Variants in SEMA3D observed in about 807,000 individuals in gnomAD.
The protein encoded by SEMA3D is semaphorin-3D.
A neutral mutation model predicts 100.1 loss-of-function variants in SEMA3D; 84 were observed. That is an observed-to-expected ratio of 0.84 (90% confidence interval 0.70 to 1.01). SEMA3D has a LOEUF of 1.01. Among genes scored for constraint, SEMA3D ranks in the 50% least tolerant of loss-of-function variants. SEMA3D has a pLI of 0.00. For missense variants in SEMA3D, 875 were observed against 934.1 expected, an observed-to-expected ratio of 0.94 and a Z score of 0.82; for synonymous variants, 312 against 320.7, an observed-to-expected ratio of 0.97 and a Z score of 0.29.
chr7:85,010,435 G>T (rs1231527946), intron 17 of SEMA3D, among the ~76,000 whole-genome samples: 1 of 151,800 alleles, frequency 6.6e-6, no homozygotes, highest in African/African-American at 2.4e-5. Context: ...GACAGAAGTG[G>T]TTCAAGTGTG....
intron 12 of SEMA3D, among the ~76,000 whole-genome samples, chr7:85,030,935 GCAA>G (rs1302190034): frequency 1.4e-5 from 2 of 146,854 alleles, no homozygotes; most frequent in African/African-American, 4.9e-5. Flanking sequence ...ACCTGGCAGG[GCAA>G]TAATGATTGA....
chr7:85,081,639 A>G, intron 4 of SEMA3D, 60 bp from the exon 5 acceptor site: 1 of 1,102,986 alleles, frequency 9.1e-7, no homozygotes, highest in Non-Finnish European at 1.4e-6. Flanking sequence ...AACACTCTGC[A>G]ATTCTGCTCA....
intron 2 of SEMA3D, chr7:85,140,073 T>G: frequency 2.4e-6 from 1 of 423,946 alleles, no homozygotes; most frequent in Non-Finnish European, 3.2e-6. Context: ...ATTAATTACA[T>G]TAATATATTA....
chr7:85,182,584 T>C (rs1791437205), intron 1 of SEMA3D, among the ~76,000 whole-genome samples: 1 of 152,264 alleles, frequency 6.6e-6, no homozygotes, highest in African/African-American at 2.4e-5. Context: ...AAGTAAAGAA[T>C]ACAAATGTTT....
At chr7:85,221,753 A>G in the SEMA3D span, among the ~76,000 whole-genome samples, 2 of 152,090 alleles carry the variant, frequency 1.3e-5, no homozygotes, top group Non-Finnish European at 2.9e-5. Flanking sequence ...AATAAACTTA[A>G]CAATCAATGC....
Position 85,062,019 on chromosome 7 carries a change from T to G in SEMA3D, c.718+3405A>C, listed in dbSNP as rs939556372. ...CATGTCCATATGTCCCAGTTTGTAGTGAGGCTGCAAAGAGCAGGGGACATG... is the reference window on the plus strand; with the variant it reads ...CATGTCCATATGTCCCAGTTTGTAGGGAGGCTGCAAAGAGCAGGGGACATG... On this transcript the variant is annotated intron_variant, in intron 8 of 18. Transcript: ENST00000284136. Among the ~76,000 whole-genome samples, 15 of 152,224 alleles carry G rather than the reference T, an allele frequency of 9.9e-5. 2 individuals carry two copies. In the South Asian group the frequency reaches 2.3e-3, roughly 23 times the overall value.
chr7:85,017,115 A>G (rs956557916), intron 15 of SEMA3D, among the ~76,000 whole-genome samples: 2 of 151,536 alleles, frequency 1.3e-5, no homozygotes, highest in Non-Finnish European at 3.0e-5. Flanking sequence ...CTCACTCTTC[A>G]CACTTTTGCA....
chr7:85,062,364 CA>C (rs1791501646), intron 8 of SEMA3D, among the ~76,000 whole-genome samples: 1 of 151,808 alleles, frequency 6.6e-6, no homozygotes, highest in Non-Finnish European at 1.5e-5. Flanking sequence ...GGCAATAAAC[CA>C]GAGATGAGGT....
chr7:85,016,095 C>T (rs1412451652), intron 15 of SEMA3D, among the ~76,000 whole-genome samples: 1 of 151,650 alleles, frequency 6.6e-6, no homozygotes, highest in African/African-American at 2.4e-5. Context: ...GTTAAGACTT[C>T]CTAGTTGTTA....
At chr7:85,183,444 G>A (rs932027211) in intron 1 of SEMA3D, among the ~76,000 whole-genome samples, 3 of 152,120 alleles carry the variant, frequency 2.0e-5, no homozygotes, top group African/African-American at 4.8e-5. Context: ...CCTGAAGTCC[G>A]GTCTGTTAGC....
At chr7:85,019,943 C>T (rs1790208693) in intron 14 of SEMA3D, among the ~76,000 whole-genome samples, 1 of 151,508 alleles carries the variant, frequency 6.6e-6, no homozygotes, top group Non-Finnish European at 1.5e-5. Flanking sequence ...GTAAAAGAGA[C>T]CCCAGGCTTT....
At chr7:85,029,785 T>C (rs758109355) in intron 12 of SEMA3D, 7 of 232,866 alleles carry the variant, frequency 3.0e-5, no homozygotes, top group Non-Finnish European at 6.0e-5. Context: ...AGTTTTACGG[T>C]CGAGCTGCTA....
chr7:85,137,472 T>C (rs1403701490), intron 2 of SEMA3D, among the ~76,000 whole-genome samples: 1 of 152,010 alleles, frequency 6.6e-6, no homozygotes, highest in Non-Finnish European at 1.5e-5. Context: ...TTATCAAAGT[T>C]GTCATCAGTA....
intron 5 of SEMA3D, among the ~76,000 whole-genome samples, chr7:85,073,897 C>A (rs1791847034): frequency 6.6e-6 from 1 of 152,066 alleles, no homozygotes; most frequent in African/African-American, 2.4e-5. Flanking sequence ...TATGCTTATG[C>A]CTAAAAATAT....
intron 2 of SEMA3D, among the ~76,000 whole-genome samples, chr7:85,149,879 A>T (rs1176228650): frequency 6.6e-6 from 1 of 152,060 alleles, no homozygotes; most frequent in African/African-American, 2.4e-5. Context: ...ACACAACAAT[A>T]CTCACTATTT....
chr7:85,172,685 G>A lies in SEMA3D; in HGVS notation c.-173+13993C>T, dbSNP rs188295283. Among the ~76,000 whole-genome samples, 427 of 152,056 alleles carry A rather than the reference G, an allele frequency of 2.8e-3. 3 individuals are homozygous for A. Among genetic ancestry groups the A allele is most frequent in the Middle Eastern group, 6.8e-3 (2 of 294 alleles). The stretch of plus-strand genomic sequence containing the variant: ...AGTGCTGTACTGCAGGTTCCTACAC[G>A]GTCCTCTGAAGCCCAAATTTAGGAA... On this transcript the variant is annotated intron_variant, in intron 1 of 18. Coordinates refer to ENST00000284136, the MANE Select transcript of SEMA3D (RefSeq NM_001384900.1).
At chr7:85,127,642 T>G (rs1173597846) in intron 2 of SEMA3D, among the ~76,000 whole-genome samples, 1 of 152,142 alleles carries the variant, frequency 6.6e-6, no homozygotes, top group Non-Finnish European at 1.5e-5. Flanking sequence ...TTATAAAAAT[T>G]TAATAAAATA....
At chr7:85,133,205 T>G (rs1789775354) in intron 2 of SEMA3D, among the ~76,000 whole-genome samples, 1 of 151,964 alleles carries the variant, frequency 6.6e-6, no homozygotes. Context: ...CCTCCACCCT[T>G]ATCGCCCTCC....
intron 5 of SEMA3D, among the ~76,000 whole-genome samples, chr7:85,080,757 G>T (rs544378892): frequency 3.3e-5 from 5 of 152,234 alleles, no homozygotes; most frequent in African/African-American, 1.2e-4. Context: ...AGCCCTCATT[G>T]CTGGAGATAA....
Sources: allele counts gnomAD v4.1 joint callset (sites outside exome capture counted in the v4.1 genomes callset), GRCh38; gene constraint gnomAD v4.1.1; transcripts MANE v1.5; gene names NCBI Gene and HGNC (gene_info 2026-07-23, HGNC 2026-07-21).